Variants in IFT80 observed in about 807,000 individuals in gnomAD.
IFT80 encodes intraflagellar transport protein 80 homolog.
In IFT80, 79 loss-of-function variants were observed where a neutral mutation model predicts 107.9. That is an observed-to-expected ratio of 0.73 (90% CI 0.61 to 0.88). The LOEUF (loss-of-function observed/expected upper bound fraction) is 0.88. Among genes scored for constraint, IFT80 ranks in the 40% least tolerant of loss-of-function variants. The pLI, the probability that IFT80 is intolerant of heterozygous loss-of-function variation, is 0.00. For synonymous variants in IFT80, 299 were observed against 300.9 expected, an observed-to-expected ratio of 0.99 and a Z score of 0.07; for missense variants, 797 against 914.2, an observed-to-expected ratio of 0.87 and a Z score of 1.65.
intron 9 of IFT80, among the ~76,000 whole-genome samples, chr3:160,314,857 G>A (rs982737706): frequency 6.6e-6 from 1 of 152,022 alleles, no homozygotes; most frequent in African/African-American, 2.4e-5. Context: ...GATATTCTTG[G>A]TGTAAAACCA....
chr3:160,318,574 A>G (rs1318184073), intron 9 of IFT80, among the ~76,000 whole-genome samples: 1 of 152,066 alleles, frequency 6.6e-6, no homozygotes, highest in African/African-American at 2.4e-5. Context: ...AGGAGAGACA[A>G]AGATGAGCCA....
chr3:160,265,872 T>C lies in IFT80; in HGVS notation c.2223+2541A>G, dbSNP rs1042455400. Reference sequence around the variant, plus strand: ...TAACTCTTAGTTCTGAAATAAAGCATTTATATAATCATAAGTCTGGCAAAG... The same window carrying C: ...TAACTCTTAGTTCTGAAATAAAGCACTTATATAATCATAAGTCTGGCAAAG... On this transcript the variant is annotated intron_variant, in intron 19 of 19. Coordinates refer to ENST00000326448, the MANE Select transcript of IFT80 (RefSeq NM_020800.3). Among the ~76,000 whole-genome samples, 4 of 152,196 alleles carry C rather than the reference T, an allele frequency of 2.6e-5. No homozygotes were observed. In the East Asian group the frequency reaches 7.7e-4, roughly 29 times the overall value.
intron 19 of IFT80, 140 bp downstream of exon 19, chr3:160,268,273 G>A (rs1348227380): frequency 1.3e-5 from 9 of 718,462 alleles, no homozygotes; most frequent in Non-Finnish European, 1.8e-5. Flanking sequence ...GTCAAAATAA[G>A]ATGTCATAAG....
chr3:160,271,001 G>A (rs1222725695), intron 18 of IFT80, among the ~76,000 whole-genome samples: 1 of 152,092 alleles, frequency 6.6e-6, no homozygotes, highest in Non-Finnish European at 1.5e-5. Flanking sequence ...ATTTAATTAT[G>A]TAGAAAGAAT....
intron 19 of IFT80, among the ~76,000 whole-genome samples, chr3:160,259,571 A>T (rs1227234485): frequency 2.0e-5 from 3 of 152,224 alleles, no homozygotes; most frequent in Non-Finnish European, 2.9e-5. Context: ...GGAAAGCAAG[A>T]CTGGGAAACA....
intron 11 of IFT80, 146 bp downstream of exon 11, chr3:160,303,769 T>C: frequency 1.6e-6 from 1 of 613,020 alleles, no homozygotes; most frequent in South Asian, 2.1e-5. Flanking sequence ...TATTTATTCT[T>C]TTCTTTTTCT....
intron 5 of IFT80, among the ~76,000 whole-genome samples, chr3:160,370,640 T>C (rs1172557041): frequency 6.6e-6 from 1 of 152,158 alleles, no homozygotes; most frequent in Non-Finnish European, 1.5e-5. Context: ...TTTCACTTAA[T>C]GTAACTTACT....
At chr3:160,312,138 G>T (rs1028197504) in intron 9 of IFT80, among the ~76,000 whole-genome samples, 1 of 152,122 alleles carries the variant, frequency 6.6e-6, no homozygotes, top group Non-Finnish European at 1.5e-5. Context: ...GCTGAGCTTT[G>T]TCTGCAAGGC....
At chr3:160,387,272 G>A (rs1309058923) in intron 1 of IFT80, among the ~76,000 whole-genome samples, 8 of 152,184 alleles carry the variant, frequency 5.3e-5, no homozygotes, top group African/African-American at 1.9e-4. Flanking sequence ...TTGGGAGGCC[G>A]AGGCAGGCGG....
At chr3:160,388,142 G>A (rs1298597745) in intron 1 of IFT80, among the ~76,000 whole-genome samples, 28 of 151,826 alleles carry the variant, frequency 1.8e-4, no homozygotes, top group Admixed American at 1.8e-3. Flanking sequence ...ATTGAATGAG[G>A]GAAGAGCAAA....
chr3:160,320,933 T>C (rs1684375761), intron 8 of IFT80, among the ~76,000 whole-genome samples: 1 of 151,842 alleles, frequency 6.6e-6, no homozygotes, highest in African/African-American at 2.4e-5. Context: ...TGAAAGTTCA[T>C]ACATAACATA....
rs1371007686 is a variant in IFT80, at chr3:160,351,017, T to C, written c.777+4996A>G. Among the ~76,000 whole-genome samples, 3 of 152,158 alleles carry C rather than the reference T, an allele frequency of 2.0e-5. No homozygotes were observed. In the East Asian group the frequency reaches 5.8e-4, roughly 29 times the overall value. The stretch of plus-strand genomic sequence containing the variant: ...CCTTTTCAAAACCTGTACATTTTAT[T>C]TGAAAATGTACATTTTTTAAATGTA... On this transcript the variant is annotated intron_variant, in intron 8 of 19. Transcript: ENST00000326448.
chr3:160,297,219 G>A (rs1187362014), intron 12 of IFT80, among the ~76,000 whole-genome samples: 1 of 151,872 alleles, frequency 6.6e-6, no homozygotes, highest in Admixed American at 6.6e-5. Flanking sequence ...CAGTGATATT[G>A]GTAGCTGCTG....
chr3:160,377,504 T>C lies in IFT80; in HGVS notation c.296A>G (p.Glu99Gly). 2 of 1,609,090 alleles carry C rather than the reference T, an allele frequency of 1.2e-6. No homozygotes were observed. The highest frequency in any genetic ancestry group is 1.7e-6 in the Non-Finnish European group (2 of 1,176,776). Residue 99 changes from glutamate to glycine, a missense_variant, in exon 4 of 20, where the codon GAA becomes GGA. By Grantham distance (98) the Glu-to-Gly change is moderately conservative. Coordinates refer to ENST00000326448, the MANE Select transcript of IFT80 (RefSeq NM_020800.3). The stretch of plus-strand genomic sequence containing the variant: ...TCCACAGTGAGCTTCTACACTTTTT[T>C]CCACTCTTCCTAACTTGGAAATCAG... ...FHLISKLGRV[E>G]KSVEAHCGAV... is the part of the protein sequence containing the mutation.
intron 1 of IFT80, among the ~76,000 whole-genome samples, chr3:160,390,846 A>G (rs1377902157): frequency 6.6e-6 from 1 of 152,186 alleles, no homozygotes. Flanking sequence ...ATGAGGTAAG[A>G]GGCAGGACTC....
Position 160,339,876 on chromosome 3 carries a change from G to A in IFT80, c.777+16137C>T, listed in dbSNP as rs986864696. Among the ~76,000 whole-genome samples, 3 of 152,252 alleles carry A rather than the reference G, an allele frequency of 2.0e-5. 1 individual carries two copies. The highest frequency in any genetic ancestry group is 4.8e-5 in the African/African-American group (2 of 41,546). On this transcript the variant is annotated intron_variant, in intron 8 of 19. Transcript: ENST00000326448. ...GTTAGCTTTTGAAAGATTTAGCAACGTATTTTTGTCTGAAGGGAGGGCAGT... is the reference window on the plus strand; with the variant it reads ...GTTAGCTTTTGAAAGATTTAGCAACATATTTTTGTCTGAAGGGAGGGCAGT...
At chr3:160,276,911 TA>T (rs1243306269) in intron 18 of IFT80, among the ~76,000 whole-genome samples, 2 of 152,216 alleles carry the variant, frequency 1.3e-5, no homozygotes, top group Admixed American at 1.3e-4. Flanking sequence ...CTCCTAAATC[TA>T]AACCTCTAGT....
chr3:160,322,015 T>C (rs1250677036), intron 8 of IFT80, among the ~76,000 whole-genome samples: 3 of 147,162 alleles, frequency 2.0e-5, no homozygotes, highest in African/African-American at 7.4e-5. Context: ...TATTTATTTA[T>C]TTATTTATTT....
chr3:160,383,959 T>A, intron 2 of IFT80: 2 of 985,436 alleles, frequency 2.0e-6, no homozygotes, highest in Non-Finnish European at 2.4e-6. Flanking sequence ...AAATGCTTCA[T>A]TTTGGCCAGG....
Sources: allele counts gnomAD v4.1 joint callset (sites outside exome capture counted in the v4.1 genomes callset), GRCh38; gene constraint gnomAD v4.1.1; transcripts MANE v1.5; gene names NCBI Gene and HGNC (gene_info 2026-07-23, HGNC 2026-07-21).